Variants in ADAM23 observed in about 807,000 individuals in gnomAD.
The protein encoded by ADAM23 is ADAM metallopeptidase domain 23.
Under a neutral mutation model 120.1 loss-of-function variants are expected in ADAM23, and 33 were observed. The ratio of observed to expected loss-of-function variants is 0.27; its 90% confidence interval spans 0.21 to 0.37. The LOEUF is 0.37. ADAM23 is among the 10% of genes least tolerant of loss of function. The probability of loss-of-function intolerance (pLI) is 1.00; values close to 1 mark genes in which losing one functional copy is unlikely to be tolerated. For missense variants in ADAM23, 862 were observed against 1,058.2 expected (o/e 0.81, Z 2.57); for synonymous variants, 367 against 375.2 (o/e 0.98, Z 0.25).
intron 4 of ADAM23, among the ~76,000 whole-genome samples, chr2:206,531,603 A>G (rs1373174410): frequency 6.6e-6 from 1 of 152,142 alleles, no homozygotes; most frequent in Non-Finnish European, 1.5e-5. Flanking sequence ...GAGAGAGATG[A>G]TTTGTATGTA....
chr2:206,543,130 T>G (rs1043972761), intron 5 of ADAM23, 123 bp from the exon 6 acceptor site: 1 of 810,204 alleles, frequency 1.2e-6, no homozygotes, highest in Non-Finnish European at 2.0e-6. Context: ...CTTGTGACAG[T>G]GTAAAGGGAT....
At chr2:206,482,474 C>T (rs374372467) in intron 3 of ADAM23, among the ~76,000 whole-genome samples, 12 of 152,230 alleles carry the variant, frequency 7.9e-5, no homozygotes, top group African/African-American at 2.4e-4. Flanking sequence ...CAAACTGTAG[C>T]GAGATGATCG....
At chr2:206,593,735 A>G (rs1401882592) in intron 22 of ADAM23, among the ~76,000 whole-genome samples, 1 of 152,020 alleles carries the variant, frequency 6.6e-6, no homozygotes. Context: ...ATATTGTTGT[A>G]TATACTAAAC....
intron 2 of ADAM23, among the ~76,000 whole-genome samples, chr2:206,463,665 G>A (rs763094361): frequency 6.6e-6 from 1 of 152,214 alleles, no homozygotes; most frequent in African/African-American, 2.4e-5. Flanking sequence ...AACTGAGCCT[G>A]TTCAGCTCAG....
chr2:206,513,127 G>T (rs898376063), intron 3 of ADAM23, among the ~76,000 whole-genome samples: 20 of 151,974 alleles, frequency 1.3e-4, no homozygotes, highest in Non-Finnish European at 2.6e-4. Context: ...ACCTTATACC[G>T]GCCTCTATGT....
chr2:206,477,897 A>AAAAAAAAAATATATATATATATATATAT (rs374524658), intron 2 of ADAM23, among the ~76,000 whole-genome samples: 2 of 93,604 alleles, frequency 2.1e-5, no homozygotes, highest in African/African-American at 5.2e-5. Context: ...AAAAAAAAAA[A>AAAAAAAAAATATATATATATATATATAT]ATATATATAT....
chr2:206,603,179 G>C (rs1187857820), intron 24 of ADAM23, among the ~76,000 whole-genome samples: 1 of 150,684 alleles, frequency 6.6e-6, no homozygotes, highest in Non-Finnish European at 1.5e-5. Flanking sequence ...ATAAATTAGT[G>C]TAGAAGTAGA....
intron 3 of ADAM23, among the ~76,000 whole-genome samples, chr2:206,493,625 G>A (rs374159209): frequency 3.3e-5 from 5 of 152,310 alleles, no homozygotes; most frequent in African/African-American, 4.8e-5. Context: ...CACCTGCCTC[G>A]GCCTCCCAAG....
intron 21 of ADAM23, among the ~76,000 whole-genome samples, chr2:206,590,327 G>A (rs1191806332): frequency 1.3e-5 from 2 of 152,040 alleles, no homozygotes; most frequent in East Asian, 1.9e-4. Context: ...TGAACTCCTG[G>A]CCTCAAGTGA....
intron 13 of ADAM23, among the ~76,000 whole-genome samples, chr2:206,562,887 A>C (rs1697796723): frequency 1.3e-5 from 2 of 152,198 alleles, no homozygotes; most frequent in African/African-American, 4.8e-5. Flanking sequence ...TCCCATCAGT[A>C]AAAAACATAG....
intron 24 of ADAM23, among the ~76,000 whole-genome samples, chr2:206,606,076 G>A (rs1698723454): frequency 6.6e-6 from 1 of 152,252 alleles, no homozygotes; most frequent in South Asian, 2.1e-4. Flanking sequence ...GAACAATGTG[G>A]GGCATAACAT....
chr2:206,490,267 C>A (rs573790258), intron 3 of ADAM23, among the ~76,000 whole-genome samples: 1 of 152,282 alleles, frequency 6.6e-6, no homozygotes, highest in South Asian at 2.1e-4. Context: ...GCCTTCCGAA[C>A]TGTGAGGAAA....
At chr2:206,557,926 ATTT>A (rs1214041402) in intron 10 of ADAM23, among the ~76,000 whole-genome samples, 2 of 152,174 alleles carry the variant, frequency 1.3e-5, no homozygotes, top group African/African-American at 4.8e-5. Context: ...ACCAAAAAAA[ATTT>A]TTTTAAGGAC....
At position 206,493,982 on chromosome 2, in the gene ADAM23, T is replaced by C. The variant is rs1021198629; in HGVS notation, c.509+12674T>C. On this transcript the variant is annotated intron_variant, in intron 3 of 25. Coordinates refer to ENST00000264377, the MANE Select transcript of ADAM23 (RefSeq NM_003812.4). The stretch of plus-strand genomic sequence containing the variant: ...GTCCCCCTCTCATCTTTATTGAAGA[T>C]AATGGACAGATAAAAATTATGCATA... Among the ~76,000 whole-genome samples, 2 of 152,216 alleles carry C rather than the reference T, an allele frequency of 1.3e-5. 1 individual carries two copies. Among genetic ancestry groups the C allele is most frequent in the South Asian group, 4.1e-4 (2 of 4,838 alleles).
intron 2 of ADAM23, among the ~76,000 whole-genome samples, chr2:206,470,633 G>A (rs1695638302): frequency 6.6e-6 from 1 of 152,174 alleles, no homozygotes; most frequent in South Asian, 2.1e-4. Context: ...CCTTAATCAT[G>A]TTACTTAGGA....
At chr2:206,597,670 T>C (rs1277657989) in intron 24 of ADAM23, among the ~76,000 whole-genome samples, 2 of 152,184 alleles carry the variant, frequency 1.3e-5, no homozygotes, top group Non-Finnish European at 2.9e-5. Context: ...GGGATGACGT[T>C]GTACATCAGC....
At chr2:206,567,101 A>C in intron 14 of ADAM23, 122 bp from the exon 15 acceptor site, 1 of 756,862 alleles carries the variant, frequency 1.3e-6, no homozygotes, top group Non-Finnish European at 2.1e-6. Flanking sequence ...CCCTTGTCAA[A>C]ATTTGTGTAG....
At chr2:206,500,135 TA>T (rs1696357324) in intron 3 of ADAM23, among the ~76,000 whole-genome samples, 1 of 152,190 alleles carries the variant, frequency 6.6e-6, no homozygotes, top group South Asian at 2.1e-4. Context: ...AGGCCCAGAA[TA>T]TAAGGCTAGC....
At chr2:206,444,333 C>T (rs1008422328) in intron 1 of ADAM23, among the ~76,000 whole-genome samples, 7 of 152,236 alleles carry the variant, frequency 4.6e-5, no homozygotes, top group Non-Finnish European at 1.0e-4. Context: ...TTTAGTGGAT[C>T]CTGGGTCCCT....
Sources: allele counts gnomAD v4.1 joint callset (sites outside exome capture counted in the v4.1 genomes callset), GRCh38; gene constraint gnomAD v4.1.1; transcripts MANE v1.5; gene names NCBI Gene and HGNC (gene_info 2026-07-23, HGNC 2026-07-21).